PDE11A: variants seen among roughly 807,000 people sequenced by gnomAD.
The protein encoded by PDE11A is phosphodiesterase 11A.
Under a neutral mutation model 100.5 loss-of-function variants are expected in PDE11A, and 100 were observed. The ratio of observed to expected loss-of-function variants is 1.00; its 90% confidence interval spans 0.85 to 1.18. PDE11A has a LOEUF of 1.18. PDE11A is among the 50% of genes most tolerant of loss of function. PDE11A has a pLI of 0.00. For missense variants in PDE11A, 1,141 were observed against 1,152.6 expected (o/e 0.99, Z 0.15); for synonymous variants, 381 against 420.8 (o/e 0.91, Z 1.16).
chr2:178,062,351 A>G lies in PDE11A; in HGVS notation c.912+9175T>C, dbSNP rs547559994. Among the ~76,000 whole-genome samples, 27 of 152,090 alleles carry G rather than the reference A, an allele frequency of 1.8e-4. No homozygotes were observed. In the East Asian group the frequency reaches 2.3e-3, roughly 13 times the overall value. On this transcript the variant is annotated intron_variant, in intron 1 of 19. Coordinates refer to ENST00000286063, the MANE Select transcript of PDE11A (RefSeq NM_016953.4). ...CCTGAAGACAGAAAAAAAAAAAAAA[A>G]AAGAAGCTACCTTAGCAGTTGCACA...
intron 2 of PDE11A, among the ~76,000 whole-genome samples, chr2:177,962,541 A>G (rs1300212803): frequency 6.6e-6 from 1 of 152,192 alleles, no homozygotes; most frequent in Non-Finnish European, 1.5e-5. Flanking sequence ...AAAATTTTAA[A>G]GTGATAGCTC....
intron 6 of PDE11A, among the ~76,000 whole-genome samples, chr2:177,835,161 A>C (rs1030450618): frequency 6.6e-6 from 1 of 152,148 alleles, no homozygotes; most frequent in African/African-American, 2.4e-5. Context: ...CCAGGACTTG[A>C]AGATACAAGG....
At chr2:177,916,859 AC>A (rs1174725662) in intron 2 of PDE11A, among the ~76,000 whole-genome samples, 1 of 149,240 alleles carries the variant, frequency 6.7e-6, no homozygotes, top group African/African-American at 2.5e-5. Context: ...TCCCGGGTCC[AC>A]CGCCATTCTC....
chr2:177,714,344 AC>A (rs1451535995), intron 12 of PDE11A, among the ~76,000 whole-genome samples: 1 of 152,070 alleles, frequency 6.6e-6, no homozygotes, highest in Non-Finnish European at 1.5e-5. Flanking sequence ...TTGGTTATTC[AC>A]CAAGTACTCA....
chr2:177,675,484 C>A lies in PDE11A; in HGVS notation c.2458G>T (p.Val820Leu). The change falls in exon 17 of 20, where the codon GTG (valine) becomes TTG (leucine). Residue 820 changes from valine to leucine, a missense_variant. Val to Leu is a conservative substitution (Grantham distance 32). Coordinates refer to ENST00000286063, the MANE Select transcript of PDE11A (RefSeq NM_016953.4). The part of the protein sequence containing the change: ...MLMTACDLGA[V>L]TKPWEISRQV... ...CTGGAGATCTCCCACGGTTTGGTCA[C>A]GGCTCCAAGGTCACAGGCTGTCATT... 1 of 1,613,440 alleles carries A rather than the reference C, an allele frequency of 6.2e-7. No individual in the cohort carries two copies. The highest frequency in any genetic ancestry group is 8.5e-7 in the Non-Finnish European group (1 of 1,179,524).
Position 177,932,720 on chromosome 2 carries a change from C to T in PDE11A, c.1072-27533G>A, listed in dbSNP as rs144463838. Among the ~76,000 whole-genome samples, 327 of 151,796 alleles carry T rather than the reference C, an allele frequency of 2.2e-3. 2 individuals are homozygous for T. Among genetic ancestry groups the T allele is most frequent in the African/African-American group, 7.6e-3 (315 of 41,402 alleles). Reference sequence around the variant, plus strand: ...CACAGCCAACATCATACTGAACAGGCAAAAACTGGAAGCATTCCTCTTGAG... The same window carrying T: ...CACAGCCAACATCATACTGAACAGGTAAAAACTGGAAGCATTCCTCTTGAG... On this transcript the variant is annotated intron_variant, in intron 2 of 19. Coordinates refer to ENST00000286063, the MANE Select transcript of PDE11A (RefSeq NM_016953.4).
At chr2:177,922,639 G>T in intron 2 of PDE11A, 1 of 951,490 alleles carries the variant, frequency 1.1e-6, no homozygotes, top group Non-Finnish European at 1.3e-6. Flanking sequence ...TGTTAGTTAT[G>T]TCTCAACATT....
At chr2:177,730,578 A>G (rs767943120) in intron 10 of PDE11A, among the ~76,000 whole-genome samples, 27 of 147,748 alleles carry the variant, frequency 1.8e-4, no homozygotes, top group Non-Finnish European at 3.0e-4. Context: ...TCTGCTTTCT[A>G]GGAAATTTCT....
chr2:178,000,340 G>A (rs2086129306), intron 2 of PDE11A, among the ~76,000 whole-genome samples: 1 of 152,180 alleles, frequency 6.6e-6, no homozygotes, highest in Non-Finnish European at 1.5e-5. Context: ...CAGGAAATAT[G>A]ATGTGGCTTC....
At chr2:177,860,994 A>G (rs1289101014) in intron 5 of PDE11A, among the ~76,000 whole-genome samples, 2 of 151,836 alleles carry the variant, frequency 1.3e-5, no homozygotes, top group East Asian at 3.8e-4. Flanking sequence ...AGTAATGGTA[A>G]AAGACTGAAT....
chr2:177,938,715 A>G (rs2085307953), intron 2 of PDE11A, among the ~76,000 whole-genome samples: 1 of 152,196 alleles, frequency 6.6e-6, no homozygotes, highest in Admixed American at 6.5e-5. Flanking sequence ...GAAGAGGAAT[A>G]AAGGGTGTTT....
chr2:177,832,014 C>G (rs13007187), intron 6 of PDE11A, among the ~76,000 whole-genome samples: 1 of 151,760 alleles, frequency 6.6e-6, no homozygotes, highest in Non-Finnish European at 1.5e-5. Flanking sequence ...CAGGAGAGGC[C>G]CCCCCTGACC....
chr2:177,637,936 TATACATATATACAC>T (rs1166323649), intron 19 of PDE11A, among the ~76,000 whole-genome samples: 2 of 144,960 alleles, frequency 1.4e-5, no homozygotes, highest in African/African-American at 5.0e-5. Context: ...TATATACATA[TATACATATATACAC>T]ATACATATAT....
At position 178,053,717 on chromosome 2, in the gene PDE11A, A is replaced by G. The variant is rs554154778; in HGVS notation, c.912+17809T>C. Among the ~76,000 whole-genome samples, 4 of 152,354 alleles carry G rather than the reference A, an allele frequency of 2.6e-5. No homozygotes were observed. In the South Asian group the frequency reaches 6.2e-4, roughly 24 times the overall value. ...ATCACAAGCATTCCTATATACCAAC[A>G]ATAGATGAGCAGAGAGCCACATCAT... On this transcript the variant is annotated intron_variant, in intron 1 of 19. Transcript: ENST00000286063.
At chr2:177,902,745 T>C (rs1268767711) in intron 3 of PDE11A, among the ~76,000 whole-genome samples, 6 of 152,184 alleles carry the variant, frequency 3.9e-5, no homozygotes, top group African/African-American at 1.4e-4. Context: ...TCCAACTGTT[T>C]ACTTGCCAGC....
chr2:177,775,566 C>A (rs1173309786), intron 9 of PDE11A, among the ~76,000 whole-genome samples: 1 of 152,178 alleles, frequency 6.6e-6, no homozygotes, highest in Non-Finnish European at 1.5e-5. Context: ...ACAGGTCCTG[C>A]ACCATCTGAC....
intron 9 of PDE11A, among the ~76,000 whole-genome samples, chr2:177,794,256 G>A (rs188661394): frequency 5.3e-5 from 8 of 152,296 alleles, no homozygotes; most frequent in Non-Finnish European, 7.4e-5. Context: ...AGAGCAAGCC[G>A]TGTGGATATC....
intron 9 of PDE11A, among the ~76,000 whole-genome samples, chr2:177,778,206 G>A (rs1397641854): frequency 6.6e-6 from 1 of 152,220 alleles, no homozygotes; most frequent in Non-Finnish European, 1.5e-5. Flanking sequence ...ACTGGATCAA[G>A]CCTTGCCATT....
intron 2 of PDE11A, among the ~76,000 whole-genome samples, chr2:177,927,542 T>C (rs1221581807): frequency 6.6e-6 from 1 of 152,220 alleles, no homozygotes; most frequent in African/African-American, 2.4e-5. Context: ...TGCCTGGTAA[T>C]GAAAGAGTTA....
Sources: allele counts gnomAD v4.1 joint callset (sites outside exome capture counted in the v4.1 genomes callset), GRCh38; gene constraint gnomAD v4.1.1; transcripts MANE v1.5; gene names NCBI Gene and HGNC (gene_info 2026-07-23, HGNC 2026-07-21).